CHKA: variants seen among roughly 807,000 people sequenced by gnomAD.
CHKA encodes CHETK-alpha.
Under a neutral mutation model 60.1 loss-of-function variants are expected in CHKA, and 34 were observed. The observed-to-expected ratio is 0.57, with a 90% CI of 0.43 to 0.75. The LOEUF is 0.75. Among genes scored for constraint, CHKA ranks in the 30% least tolerant of loss-of-function variants. The pLI, the probability that CHKA is intolerant of heterozygous loss-of-function variation, is 0.00. For synonymous variants in CHKA, 217 were observed against 223.1 expected, an observed-to-expected ratio of 0.97 and a Z score of 0.24; for missense variants, 563 against 561.3, an observed-to-expected ratio of 1.00 and a Z score of -0.03.
At position 68,097,091 on chromosome 11, in the gene CHKA, A is replaced by AG. The variant is rs1337288262; in HGVS notation, c.389dup (p.Asp131Ter). The AG allele has an allele frequency of 6.2e-7, 1 of 1,613,896 alleles. No homozygotes were observed. Among genetic ancestry groups the AG allele is most frequent in the Non-Finnish European group, 8.5e-7 (1 of 1,179,884 alleles). On this transcript the variant is annotated frameshift_variant, in exon 2 of 12. Transcript: ENST00000265689. LOFTEE classifies it high-confidence loss of function. ...CATCACCAAGGGTGGCTGTGGTGTC[A>AG]GGTAGGGAGCACTGGAACAGCATGT...
chr11:68,092,991 A>C (rs540311037), intron 2 of CHKA, among the ~76,000 whole-genome samples: 1 of 146,142 alleles, frequency 6.8e-6, no homozygotes, highest in Admixed American at 7.2e-5. Flanking sequence ...CTAATTTCCC[A>C]TCCAGTTTTT....
intron 7 of CHKA, among the ~76,000 whole-genome samples, chr11:68,066,837 T>C (rs966358917): frequency 1.3e-5 from 2 of 152,212 alleles, no homozygotes; most frequent in African/African-American, 2.4e-5. Flanking sequence ...ATGTTCTGCA[T>C]GGTGGCATGC....
At chr11:68,065,916 T>G (rs745523442) in intron 8 of CHKA, 22 bp from the exon 9 acceptor site, 2 of 1,541,036 alleles carry the variant, frequency 1.3e-6, no homozygotes, top group African/African-American at 2.7e-5. Flanking sequence ...CATAAGACAG[T>G]GCACACAATG....
chr11:68,112,096 C>T lies in CHKA; in HGVS notation c.350+8732G>A, dbSNP rs570244399. Among the ~76,000 whole-genome samples, 13 of 8,888 alleles carry T rather than the reference C, an allele frequency of 1.5e-3. No individual in the cohort carries two copies. The East Asian group carries it at 0.047, about 32-fold the overall frequency. 5.8% of individuals were successfully genotyped at this position (8,888 alleles called of 152,430 possible). A position where few individuals can be genotyped will look rare whatever the true frequency, so the allele number is the denominator to read the frequency against. ...AAAAAAAAGTCCTGGAACAACGGGA[C>T]GTCCACATGCAAAAAAAAATCTAGA... On this transcript the variant is annotated intron_variant, in intron 1 of 11. Transcript: ENST00000265689.
intron 2 of CHKA, among the ~76,000 whole-genome samples, chr11:68,091,795 T>C (rs1032083119): frequency 6.6e-6 from 1 of 152,184 alleles, no homozygotes; most frequent in Non-Finnish European, 1.5e-5. Context: ...TTAAACCAAG[T>C]CACCTGTAAA....
chr11:68,109,630 C>T (rs1433372005), intron 1 of CHKA, among the ~76,000 whole-genome samples: 1 of 152,128 alleles, frequency 6.6e-6, no homozygotes, highest in Non-Finnish European at 1.5e-5. Flanking sequence ...ACTGAGACCT[C>T]ACCATAGGAC....
chr11:68,105,101 C>T (rs1270005206), intron 1 of CHKA, among the ~76,000 whole-genome samples: 2 of 149,768 alleles, frequency 1.3e-5, no homozygotes, highest in African/African-American at 2.5e-5. Context: ...GAAACTCCAT[C>T]TCAAAAAAAA....
At chr11:68,098,927 C>G (rs553049552) in intron 1 of CHKA, among the ~76,000 whole-genome samples, 69 of 152,286 alleles carry the variant, frequency 4.5e-4, no homozygotes, top group African/African-American at 1.6e-3. Context: ...TCAGGTGATC[C>G]ACCCATCTCG....
rs1203058703 is a variant in CHKA at position 68,113,124 on chromosome 11, GA to G, written c.350+7703del. ...AAAAAAAAAAAAGAAGCTGTGGCAG[GA>G]AAAAAAAAAACAATTAAATTAAAAT... On this transcript the variant is annotated intron_variant, in intron 1 of 11. Transcript: ENST00000265689. 3.0e-3 allele frequency among the ~76,000 whole-genome samples: 336 copies of G among 112,920 alleles called. 1 individual carries two copies. Among genetic ancestry groups the G allele is most frequent in the African/African-American group, 9.1e-3 (279 of 30,668 alleles). 74.1% of individuals were successfully genotyped at this position (112,920 alleles called of 152,430 possible). A position where few individuals can be genotyped will look rare whatever the true frequency, so the allele number is the denominator to read the frequency against.
In CHKA at chr11:68,095,896, G is replaced by C. The variant is rs182936270; in HGVS notation, c.462+1123C>G. The stretch of plus-strand genomic sequence containing the variant: ...GTCTCTACTAAAAATACAAAAATTA[G>C]GCGGGTGTAGTGGCACACCCATAAT... On this transcript the variant is annotated intron_variant, in intron 2 of 11. Coordinates refer to ENST00000265689, the MANE Select transcript of CHKA (RefSeq NM_001277.3). 5.7e-3 allele frequency among the ~76,000 whole-genome samples: 807 copies of C among 142,720 alleles called. 5 individuals are homozygous for C. Among genetic ancestry groups the C allele is most frequent in the Non-Finnish European group, 9.1e-3 (594 of 65,352 alleles). The allele number at this position is 142,720 out of a possible 152,430, so 93.6% of individuals were successfully genotyped here. A position where few individuals can be genotyped will look rare whatever the true frequency, so the allele number is the denominator to read the frequency against.
At chr11:68,109,889 T>C (rs1858069209) in intron 1 of CHKA, among the ~76,000 whole-genome samples, 1 of 151,902 alleles carries the variant, frequency 6.6e-6, no homozygotes, top group Non-Finnish European at 1.5e-5. Context: ...GGAGTAGAGG[T>C]TGCAGTGAGC....
chr11:68,070,638 A>G, intron 5 of CHKA, 86 bp downstream of exon 5: 1 of 1,432,656 alleles, frequency 7.0e-7, no homozygotes, highest in Non-Finnish European at 9.6e-7. Flanking sequence ...ACCTCTGACT[A>G]CTGTGGCAAA....
intron 1 of CHKA, among the ~76,000 whole-genome samples, chr11:68,108,516 G>A (rs550787234): frequency 2.6e-5 from 4 of 152,308 alleles, no homozygotes; most frequent in Admixed American, 6.5e-5. Context: ...AGGCCAAGGC[G>A]GGAGGATCAC....
chr11:68,089,676 C>CT (rs1857290751), intron 2 of CHKA: 1 of 152,220 alleles, frequency 6.6e-6, no homozygotes, highest in Non-Finnish European at 1.5e-5. Flanking sequence ...CACTGTACCT[C>CT]TTTAAGCACA....
intron 11 of CHKA, among the ~76,000 whole-genome samples, chr11:68,059,335 A>G (rs760698195): frequency 6.6e-6 from 1 of 152,028 alleles, no homozygotes; most frequent in Non-Finnish European, 1.5e-5. Context: ...ACGGTTTTTC[A>G]CCTTCATTCT....
chr11:68,107,708 A>G (rs1415836411), intron 1 of CHKA, among the ~76,000 whole-genome samples: 1 of 152,096 alleles, frequency 6.6e-6, no homozygotes, highest in Non-Finnish European at 1.5e-5. Context: ...CTAAAATACA[A>G]ATTTCAAGCC....
chr11:68,093,450 G>C (rs750632007), intron 2 of CHKA, among the ~76,000 whole-genome samples: 9 of 152,068 alleles, frequency 5.9e-5, no homozygotes, highest in Non-Finnish European at 1.2e-4. Context: ...CCCCAAATTG[G>C]AATTATATGT....
At chr11:68,103,863 A>G (rs775183452) in intron 1 of CHKA, among the ~76,000 whole-genome samples, 1 of 150,948 alleles carries the variant, frequency 6.6e-6, no homozygotes, top group African/African-American at 2.4e-5. Flanking sequence ...CAGTGAGCCG[A>G]GATCACACCA....
At chr11:68,074,904 G>A in intron 3 of CHKA, 74 bp from the exon 4 acceptor site, 3 of 1,292,250 alleles carry the variant, frequency 2.3e-6, no homozygotes, top group Non-Finnish European at 3.3e-6. Context: ...CACTCTCACA[G>A]GAGTGTTTCA....
Sources: allele counts gnomAD v4.1 joint callset (sites outside exome capture counted in the v4.1 genomes callset), GRCh38; gene constraint gnomAD v4.1.1; transcripts MANE v1.5; gene names NCBI Gene and HGNC (gene_info 2026-07-23, HGNC 2026-07-21).